Variants in BMPER observed in about 807,000 individuals in gnomAD.
BMPER encodes BMP-binding endothelial regulator protein.
BMPER carries 45 observed loss-of-function variants against 87.3 expected under a neutral mutation model. The ratio of observed to expected loss-of-function variants is 0.52; its 90% CI spans 0.41 to 0.66. BMPER has a LOEUF of 0.66. Ranked by LOEUF, BMPER falls within the 30% of genes least tolerant of loss-of-function variation. BMPER has a pLI of 0.00. For missense variants in BMPER, 784 were observed against 867.5 expected (o/e 0.90, Z 1.21); for synonymous variants, 326 against 316.2 (o/e 1.03, Z -0.33).
intron 6 of BMPER, among the ~76,000 whole-genome samples, chr7:34,019,234 A>G (rs1289612212): frequency 6.6e-6 from 1 of 152,130 alleles, no homozygotes; most frequent in South Asian, 2.1e-4. Context: ...AACAGTTTGC[A>G]TACAGTGGAG....
intron 11 of BMPER, among the ~76,000 whole-genome samples, chr7:34,076,952 G>A (rs1788880551): frequency 6.6e-6 from 1 of 152,166 alleles, no homozygotes; most frequent in African/African-American, 2.4e-5. Context: ...GGTCTGGGAA[G>A]TCTTGCTGAG....
At chr7:33,944,311 G>A (rs1043796477) in intron 3 of BMPER, among the ~76,000 whole-genome samples, 4 of 151,908 alleles carry the variant, frequency 2.6e-5, no homozygotes, top group African/African-American at 7.3e-5. Context: ...GATTACAGGT[G>A]TGTGCCACAA....
At chr7:33,949,752 T>C (rs1784975715) in intron 3 of BMPER, among the ~76,000 whole-genome samples, 1 of 152,100 alleles carries the variant, frequency 6.6e-6, no homozygotes, top group Non-Finnish European at 1.5e-5. Context: ...TGAGTGGAGG[T>C]TGTTAATACG....
chr7:34,079,245 G>A lies in BMPER; in HGVS notation c.1408+59G>A, dbSNP rs78216594. The stretch of plus-strand genomic sequence containing the variant: ...CTCCGCCTCACTTACCCGTTCAGCA[G>A]CACTGCTCGGTTAGAGCACTCAGGA... On this transcript the variant is annotated intron_variant, in intron 12 of 14. Coordinates refer to ENST00000649409, the MANE Select transcript of BMPER (RefSeq NM_001365308.1). 2,843 of 1,601,424 alleles carry A rather than the reference G, an allele frequency of 1.8e-3. 50 individuals carry two copies. In the African/African-American group the frequency reaches 0.034, roughly 19 times the overall value.
At chr7:33,979,549 C>T (rs1785789841) in intron 6 of BMPER, among the ~76,000 whole-genome samples, 1 of 152,088 alleles carries the variant, frequency 6.6e-6, no homozygotes, top group South Asian at 2.1e-4. Flanking sequence ...TGATGTAGTA[C>T]ACTGAGAAAG....
intron 6 of BMPER, among the ~76,000 whole-genome samples, chr7:34,039,704 A>T (rs1033622196): frequency 6.6e-6 from 1 of 151,744 alleles, no homozygotes; most frequent in African/African-American, 2.4e-5. Flanking sequence ...GTATATGTGT[A>T]TGTATATGTA....
At chr7:34,001,835 T>G (rs1026198702) in intron 6 of BMPER, among the ~76,000 whole-genome samples, 3 of 151,712 alleles carry the variant, frequency 2.0e-5, no homozygotes, top group Admixed American at 2.0e-4. Flanking sequence ...TCTCTCTAAG[T>G]ACTATTTTGG....
intron 13 of BMPER, among the ~76,000 whole-genome samples, chr7:34,105,259 G>T (rs536447014): frequency 1.7e-4 from 26 of 152,308 alleles, no homozygotes; most frequent in Middle Eastern, 3.4e-3. Flanking sequence ...CATGTTGCAT[G>T]AATTCTAAAC....
Position 33,906,875 on chromosome 7 carries a change from ACAACCC to A in BMPER, c.192_197del (p.Asn65_Pro66del). On this transcript the variant is annotated inframe_deletion, in exon 2 of 15. Transcript: ENST00000649409. ...GTCCTCCAGATTCCATTTATCACAG[ACAACCC>A]TTGCATAATGTGTGTCTGCTTGGTA... The A allele has an allele frequency of 6.2e-7, 1 of 1,613,850 alleles. No homozygotes were observed. Among genetic ancestry groups the A allele is most frequent in the African/African-American group, 1.3e-5 (1 of 75,044 alleles).
At chr7:33,970,644 G>A (rs945715007) in intron 5 of BMPER, among the ~76,000 whole-genome samples, 1 of 152,106 alleles carries the variant, frequency 6.6e-6, no homozygotes, top group African/African-American at 2.4e-5. Context: ...TCCAGGCTCC[G>A]AGGCCTGCTT....
intron 13 of BMPER, among the ~76,000 whole-genome samples, chr7:34,098,614 T>C (rs779745749): frequency 1.5e-4 from 23 of 152,302 alleles, no homozygotes; most frequent in Admixed American, 2.6e-4. Context: ...TTCTTCATTG[T>C]ATCCCCAGCA....
At chr7:34,029,996 C>T (rs997787953) in intron 6 of BMPER, among the ~76,000 whole-genome samples, 1 of 151,928 alleles carries the variant, frequency 6.6e-6, no homozygotes, top group East Asian at 1.9e-4. Context: ...GAATTCTTTT[C>T]TTTTTTCTAT....
At position 34,025,688 on chromosome 7, in the gene BMPER, A is replaced by G. The variant is rs112409845; in HGVS notation, c.577-20618A>G. Among the ~76,000 whole-genome samples, 461 of 152,104 alleles carry G rather than the reference A, an allele frequency of 3.0e-3. 9 individuals are homozygous for G. Among genetic ancestry groups the G allele is most frequent in the Non-Finnish European group, 3.6e-3 (245 of 67,968 alleles). On this transcript the variant is annotated intron_variant, in intron 6 of 14. Transcript: ENST00000649409. The stretch of plus-strand genomic sequence containing the variant: ...GAAAGCATGAGCCAGTGTGGGTGAG[A>G]AGAGATCGGGAGACTCAATTAGCAC...
At chr7:34,036,596 C>T (rs1295811712) in intron 6 of BMPER, among the ~76,000 whole-genome samples, 1 of 152,124 alleles carries the variant, frequency 6.6e-6, no homozygotes, top group African/African-American at 2.4e-5. Context: ...CCACACACCA[C>T]ACAATCTAGG....
chr7:34,015,137 C>T (rs1585738603), intron 6 of BMPER, among the ~76,000 whole-genome samples: 2 of 151,714 alleles, frequency 1.3e-5, no homozygotes, highest in South Asian at 4.2e-4. Flanking sequence ...ACAAATATAC[C>T]AAAGTAAAGG....
At chr7:34,131,366 T>C (rs1407002178) in intron 13 of BMPER, among the ~76,000 whole-genome samples, 1 of 152,132 alleles carries the variant, frequency 6.6e-6, no homozygotes, top group Non-Finnish European at 1.5e-5. Context: ...GCTGGTTTAT[T>C]GTGGAGCCAA....
intron 6 of BMPER, among the ~76,000 whole-genome samples, chr7:34,038,839 A>G (rs1158464309): frequency 6.6e-6 from 1 of 152,194 alleles, no homozygotes; most frequent in Non-Finnish European, 1.5e-5. Context: ...GTTTTATTTC[A>G]TCACTTGGAT....
intron 13 of BMPER, among the ~76,000 whole-genome samples, chr7:34,089,746 A>G (rs1789327628): frequency 6.6e-6 from 1 of 152,126 alleles, no homozygotes; most frequent in Admixed American, 6.5e-5. Flanking sequence ...AGCCTCCCAA[A>G]GTGCTGGGAT....
intron 2 of BMPER, among the ~76,000 whole-genome samples, chr7:33,926,537 G>A (rs1268359614): frequency 6.6e-6 from 1 of 152,198 alleles, no homozygotes; most frequent in Non-Finnish European, 1.5e-5. Flanking sequence ...CTCAGAAATG[G>A]ATTATTTGCA....
Sources: allele counts gnomAD v4.1 joint callset (sites outside exome capture counted in the v4.1 genomes callset), GRCh38; gene constraint gnomAD v4.1.1; transcripts MANE v1.5; gene names NCBI Gene and HGNC (gene_info 2026-07-23, HGNC 2026-07-21).